The following FAIM2 variants were observed in gnomAD, a reference collection of about 807,000 sequenced individuals.
FAIM2 encodes the protein Fas apoptotic inhibitory molecule 2.
A neutral mutation model predicts 47.4 loss-of-function variants in FAIM2; 27 were observed. That is an observed-to-expected ratio of 0.57 (90% CI 0.42 to 0.78). The LOEUF (loss-of-function observed/expected upper bound fraction) is 0.78. Among genes scored for constraint, FAIM2 ranks in the 30% least tolerant of loss-of-function variants. The probability of loss-of-function intolerance (pLI) is 0.00; values close to 1 mark genes in which losing one functional copy is unlikely to be tolerated. For missense variants in FAIM2, 311 were observed against 389.4 expected, an observed-to-expected ratio of 0.80 and a Z score of 1.69; for synonymous variants, 156 against 159.3, an observed-to-expected ratio of 0.98 and a Z score of 0.16.
chr12:49,870,740 C>T, intron 11 of FAIM2, 87 bp from the exon 12 acceptor site: 1 of 1,349,736 alleles, frequency 7.4e-7, no homozygotes, highest in East Asian at 2.3e-5. Context: ...CCCCTCAGCC[C>T]CACCCCCAAT....
chr12:49,898,199 C>T (rs1592794847), intron 2 of FAIM2, 109 bp from the exon 3 acceptor site: 7 of 485,170 alleles, frequency 1.4e-5, no homozygotes, highest in Non-Finnish European at 2.5e-5. Context: ...GCTCTCTGGA[C>T]CCTGAAGTCT....
intron 5 of FAIM2, among the ~76,000 whole-genome samples, chr12:49,893,289 C>T (rs542420784): frequency 9.9e-5 from 15 of 152,254 alleles, no homozygotes; most frequent in African/African-American, 3.6e-4. Flanking sequence ...TCACAACCTG[C>T]TGTGCTCCCT....
At chr12:49,871,476 G>A (rs1416041540) in intron 11 of FAIM2, among the ~76,000 whole-genome samples, 2 of 152,012 alleles carry the variant, frequency 1.3e-5, no homozygotes, top group Non-Finnish European at 2.9e-5. Flanking sequence ...TGTATACAGT[G>A]GCTCCTACCC....
intron 5 of FAIM2, among the ~76,000 whole-genome samples, chr12:49,893,228 C>A (rs1479545422): frequency 6.6e-6 from 1 of 152,172 alleles, no homozygotes; most frequent in Admixed American, 6.5e-5. Context: ...TCCCACCCAC[C>A]CCTCTAGCCC....
chr12:49,897,663 C>A, intron 3 of FAIM2, 80 bp from the exon 4 acceptor site: 2 of 1,037,488 alleles, frequency 1.9e-6, no homozygotes, highest in East Asian at 2.4e-5. Context: ...AGTCACCTCT[C>A]CAGGTCCCCA....
At chr12:49,871,901 G>A (rs1426310404) in intron 11 of FAIM2, among the ~76,000 whole-genome samples, 1 of 152,094 alleles carries the variant, frequency 6.6e-6, no homozygotes, top group Non-Finnish European at 1.5e-5. Context: ...CCCAACCTCA[G>A]GTGATCTGCC....
intron 2 of FAIM2, 99 bp from the exon 3 acceptor site, chr12:49,898,189 G>T: frequency 1.7e-6 from 1 of 584,254 alleles, no homozygotes; most frequent in Non-Finnish European, 2.8e-6. Flanking sequence ...TGTCAACCTG[G>T]CTCTCTGGAC....
chr12:49,889,593 C>G, intron 8 of FAIM2, 25 bp from the exon 9 acceptor site: 1 of 1,603,496 alleles, frequency 6.2e-7, no homozygotes, highest in Non-Finnish European at 8.5e-7. Flanking sequence ...GCCGAGGGGT[C>G]AGCTCTCAGG....
At chr12:49,898,473 C>T (rs1946956775) in intron 2 of FAIM2, among the ~76,000 whole-genome samples, 1 of 152,246 alleles carries the variant, frequency 6.6e-6, no homozygotes, top group South Asian at 2.1e-4. Context: ...GCCACTCTCT[C>T]TGGGCCACCC....
chr12:49,880,753 T>C (rs1176441776), intron 11 of FAIM2, among the ~76,000 whole-genome samples: 2 of 152,034 alleles, frequency 1.3e-5, no homozygotes, highest in Non-Finnish European at 2.9e-5. Flanking sequence ...CATGTGTGTG[T>C]GCGCATGTGG....
At chr12:49,901,083 C>T (rs1946978175) in intron 2 of FAIM2, 47 bp downstream of exon 2, 2 of 1,450,456 alleles carry the variant, frequency 1.4e-6, no homozygotes, top group Non-Finnish European at 1.8e-6. Context: ...CCTCTGGGTC[C>T]ACCCCCACCC....
intron 11 of FAIM2, among the ~76,000 whole-genome samples, chr12:49,880,452 A>G (rs1946807934): frequency 1.6e-5 from 1 of 62,688 alleles, no homozygotes; most frequent in South Asian, 5.2e-4. Context: ...GTGTATGTGC[A>G]TGTGTATGTG....
chr12:49,878,005 T>C (rs557729419), intron 11 of FAIM2, among the ~76,000 whole-genome samples: 42 of 151,838 alleles, frequency 2.8e-4, no homozygotes, highest in African/African-American at 9.9e-4. Context: ...TGTGTGCATG[T>C]GCATGTGTGT....
intron 11 of FAIM2, among the ~76,000 whole-genome samples, chr12:49,878,813 A>T (rs61723204): frequency 0.011 from 299 of 28,446 alleles, 20 homozygotes; most frequent in South Asian, 0.092. Context: ...TGTGCATGTG[A>T]ATGTGTGTAT....
chr12:49,894,561 T>A (rs1946922681), intron 5 of FAIM2, among the ~76,000 whole-genome samples: 1 of 152,080 alleles, frequency 6.6e-6, no homozygotes, highest in Non-Finnish European at 1.5e-5. Flanking sequence ...GATTTATGCA[T>A]CAGAGCCCCA....
chr12:49,867,924 C>A lies in FAIM2; in HGVS notation c.*2580G>T, dbSNP rs76399796. The A allele has an allele frequency of 6.6e-6, 1 of 152,600 alleles. No homozygotes were observed. Among genetic ancestry groups the A allele is most frequent in the African/African-American group, 2.4e-5 (1 of 41,426 alleles). The allele number at this position is 152,600 out of a possible 1,614,324, so 9.5% of individuals were successfully genotyped here. A position where few individuals can be genotyped will look rare whatever the true frequency, so the allele number is the denominator to read the frequency against. On this transcript the variant is annotated 3_prime_UTR_variant, in exon 12 of 12. Coordinates refer to ENST00000320634, the MANE Select transcript of FAIM2 (RefSeq NM_012306.4). ...CCTCAGGACCCAGAGTAGGAGGCTG[C>A]GGCATCTTCTGCCCGGCTTCCCCAG... is the stretch of plus-strand genomic sequence containing the variant.
intron 2 of FAIM2, among the ~76,000 whole-genome samples, chr12:49,899,476 G>GC (rs1242142555): frequency 6.6e-6 from 1 of 152,104 alleles, no homozygotes; most frequent in Non-Finnish European, 1.5e-5. Context: ...GCACCCTCCA[G>GC]CCCCGCTATA....
intron 1 of FAIM2, 66 bp from the exon 2 acceptor site, chr12:49,901,391 C>T: frequency 7.9e-7 from 1 of 1,258,858 alleles, no homozygotes; most frequent in Non-Finnish European, 1.1e-6. Context: ...TCCTCCTCCT[C>T]ACCAACTCTT....
rs372878216 is a variant in FAIM2, at chr12:49,870,505, C to T, written c.950G>A (p.Ter317=). ...GGACGGTGGGGCAGGGAGGGCTCCTCATTCTCGGTTAGTGCCAAAAAGCTG... is the reference window on the plus strand; with the variant it reads ...GGACGGTGGGGCAGGGAGGGCTCCTTATTCTCGGTTAGTGCCAAAAAGCTG... The part of the protein sequence containing the change: ...FLQLFGTNRE[*] The change falls in exon 12 of 12, where the codon TGA becomes TAA. Residue 317 remains the stop codon, a stop_retained_variant. Transcript: ENST00000320634. 6.2e-6 allele frequency: 10 copies of T among 1,613,376 alleles called. No individual in the cohort carries two copies. The highest frequency in any genetic ancestry group is 2.2e-5 in the East Asian group (1 of 44,880).
Sources: allele counts gnomAD v4.1 joint callset (sites outside exome capture counted in the v4.1 genomes callset), GRCh38; gene constraint gnomAD v4.1.1; transcripts MANE v1.5; gene names NCBI Gene and HGNC (gene_info 2026-07-23, HGNC 2026-07-21).